The following ZBTB16 variants were observed in gnomAD, a reference collection of about 807,000 sequenced individuals.
ZBTB16 encodes zinc finger and BTB domain containing 16.
Under a neutral mutation model 56.8 loss-of-function variants are expected in ZBTB16, and 8 were observed. The observed-to-expected ratio is 0.14, with a 90% CI of 0.08 to 0.25. ZBTB16 has a LOEUF of 0.25. Ranked by LOEUF, ZBTB16 falls within the 10% of genes least tolerant of loss-of-function variation. The probability of loss-of-function intolerance (pLI) is 1.00; values close to 1 mark genes in which losing one functional copy is unlikely to be tolerated. For missense variants in ZBTB16, 625 were observed against 903.0 expected, an observed-to-expected ratio of 0.69 and a Z score of 3.95; for synonymous variants, 363 against 368.5, an observed-to-expected ratio of 0.98 and a Z score of 0.17.
At chr11:114,083,722 C>T (rs1436580937) in intron 2 of ZBTB16, among the ~76,000 whole-genome samples, 1 of 152,208 alleles carries the variant, frequency 6.6e-6, no homozygotes, top group Non-Finnish European at 1.5e-5. Context: ...CCCTCCACCC[C>T]CGCAGCCAGG....
intron 4 of ZBTB16, chr11:114,237,233 T>G (rs1430615644): frequency 1.3e-5 from 2 of 152,258 alleles, no homozygotes; most frequent in African/African-American, 4.8e-5. Context: ...GTGACCACAT[T>G]ATAAAGTTTT....
At chr11:114,199,223 A>G (rs1045113896) in intron 4 of ZBTB16, among the ~76,000 whole-genome samples, 2 of 149,844 alleles carry the variant, frequency 1.3e-5, no homozygotes, top group Non-Finnish European at 3.0e-5. Flanking sequence ...GATGACGGAC[A>G]TGGATGCCGC....
chr11:114,221,039 G>A (rs1466702832), intron 4 of ZBTB16, among the ~76,000 whole-genome samples: 2 of 152,180 alleles, frequency 1.3e-5, no homozygotes, highest in Non-Finnish European at 2.9e-5. Context: ...TGGTTTTTCT[G>A]GCATGATGGC....
chr11:114,232,356 G>A (rs1944455817), intron 4 of ZBTB16, among the ~76,000 whole-genome samples: 1 of 152,190 alleles, frequency 6.6e-6, no homozygotes, highest in South Asian at 2.1e-4. Flanking sequence ...GTAAACAGGT[G>A]CCTGTCTCTC....
intron 2 of ZBTB16, among the ~76,000 whole-genome samples, chr11:114,082,633 C>T (rs1370580617): frequency 3.9e-5 from 6 of 152,066 alleles, no homozygotes; most frequent in East Asian, 1.9e-4. Context: ...GAGTTTAGTG[C>T]GTGATCATCA....
chr11:114,240,204 G>A, intron 4 of ZBTB16, among the ~76,000 whole-genome samples: 1 of 152,250 alleles, frequency 6.6e-6, no homozygotes, highest in Non-Finnish European at 1.5e-5. Context: ...TATCAGGGTG[G>A]GTGTGAGGGG....
At chr11:114,098,599 G>A (rs955239971) in intron 2 of ZBTB16, among the ~76,000 whole-genome samples, 2 of 150,868 alleles carry the variant, frequency 1.3e-5, no homozygotes, top group African/African-American at 4.9e-5. Context: ...AAACCAGCAC[G>A]GGAGCCTTAG....
intron 4 of ZBTB16, among the ~76,000 whole-genome samples, chr11:114,235,730 C>CT (rs1254185110): frequency 7.8e-6 from 1 of 128,804 alleles, no homozygotes; most frequent in Non-Finnish European, 1.6e-5. Context: ...TTCTTTCTTT[C>CT]TTTCTTTTCT....
chr11:114,167,646 C>A (rs765018624), intron 3 of ZBTB16, among the ~76,000 whole-genome samples: 18 of 151,974 alleles, frequency 1.2e-4, no homozygotes, highest in African/African-American at 1.7e-4. Context: ...CCCTTTTCTC[C>A]CCAGCCCCCT....
rs139041968 is a variant in ZBTB16, at chr11:114,106,143, G to A, written c.1268+41575G>A. Among the ~76,000 whole-genome samples, 275 of 152,198 alleles carry A rather than the reference G, an allele frequency of 1.8e-3. 1 individual carries two copies. The highest frequency in any genetic ancestry group is 6.4e-3 in the African/African-American group (264 of 41,522). On this transcript the variant is annotated intron_variant, in intron 2 of 6. Coordinates refer to ENST00000335953, the MANE Select transcript of ZBTB16 (RefSeq NM_006006.6). ...AGCGGAGGGTTGTTAGGAGGAAAAC[G>A]CTGTTCTGGATGGTGCCTCTCTGCC... is the stretch of plus-strand genomic sequence containing the variant.
rs1434238009 is a variant in ZBTB16 at position 114,183,598 on chromosome 11, G to A, written c.1367-3354G>A. On this transcript the variant is annotated intron_variant, in intron 3 of 6. Coordinates refer to ENST00000335953, the MANE Select transcript of ZBTB16 (RefSeq NM_006006.6). The stretch of plus-strand genomic sequence containing the variant: ...CTTCCCAGCTGGTGCTTCCCTCCTC[G>A]GGCCTTTGCTTCCCCTTTCTCCTTT... Among the ~76,000 whole-genome samples the A allele has an allele frequency of 5.9e-5, 9 of 152,268 alleles. No homozygotes were observed. The South Asian group carries it at 1.2e-3, about 21-fold the overall frequency.
chr11:114,213,517 T>C (rs1413959722), intron 4 of ZBTB16, among the ~76,000 whole-genome samples: 1 of 152,230 alleles, frequency 6.6e-6, no homozygotes, highest in Admixed American at 6.5e-5. Flanking sequence ...GATCTGCTTC[T>C]TGCTCATGGG....
intron 2 of ZBTB16, among the ~76,000 whole-genome samples, chr11:114,095,235 CTTTTCTTTTCTTTTT>C (rs1242448236): frequency 7.8e-5 from 6 of 76,884 alleles, no homozygotes; most frequent in African/African-American, 1.2e-4. Context: ...AATTTCTTTT[CTTTTCTTTTCTTTTT>C]TTTTTTTTTT....
chr11:114,104,167 T>C (rs1414981163), intron 2 of ZBTB16, among the ~76,000 whole-genome samples: 1 of 152,198 alleles, frequency 6.6e-6, no homozygotes, highest in East Asian at 1.9e-4. Context: ...ATTTTCTGTT[T>C]TATCCCAGGG....
At chr11:114,093,113 CT>C (rs1940251562) in intron 2 of ZBTB16, among the ~76,000 whole-genome samples, 1 of 152,188 alleles carries the variant, frequency 6.6e-6, no homozygotes, top group African/African-American at 2.4e-5. Context: ...ACCTGCCTGA[CT>C]TCAGTGGCCG....
chr11:114,240,378 C>A (rs1944677185), intron 4 of ZBTB16, among the ~76,000 whole-genome samples: 2 of 152,130 alleles, frequency 1.3e-5, no homozygotes. Flanking sequence ...CCTTCTCTTC[C>A]CCCTACCTTC....
At chr11:114,147,494 C>T (rs1310136729) in intron 2 of ZBTB16, among the ~76,000 whole-genome samples, 1 of 152,172 alleles carries the variant, frequency 6.6e-6, no homozygotes, top group Non-Finnish European at 1.5e-5. Context: ...GTTTAATTCC[C>T]TTATAGGGCC....
intron 2 of ZBTB16, among the ~76,000 whole-genome samples, chr11:114,101,337 T>C (rs1356961695): frequency 6.6e-6 from 1 of 152,152 alleles, no homozygotes; most frequent in African/African-American, 2.4e-5. Flanking sequence ...TGTTTGTTTG[T>C]TTTATGGATC....
At chr11:114,126,754 G>A (rs1235105262) in intron 2 of ZBTB16, among the ~76,000 whole-genome samples, 10 of 152,152 alleles carry the variant, frequency 6.6e-5, no homozygotes, top group South Asian at 2.1e-4. Flanking sequence ...TGAAACTAGA[G>A]GCCCAGGTCA....
Sources: allele counts gnomAD v4.1 joint callset (sites outside exome capture counted in the v4.1 genomes callset), GRCh38; gene constraint gnomAD v4.1.1; transcripts MANE v1.5; gene names NCBI Gene and HGNC (gene_info 2026-07-23, HGNC 2026-07-21).